Variants in DAP3 observed in about 807,000 individuals in gnomAD.
DAP3 encodes the protein small ribosomal subunit protein mS29.
DAP3 carries 28 observed loss-of-function variants against 51.9 expected under a neutral mutation model. The ratio of observed to expected loss-of-function variants is 0.54; its 90% CI spans 0.40 to 0.74. The LOEUF is 0.74. Among genes scored for constraint, DAP3 ranks in the 30% least tolerant of loss-of-function variants. DAP3 has a pLI of 0.00. For synonymous variants in DAP3, 170 were observed against 170.3 expected, an observed-to-expected ratio of 1.00 and a Z score of 0.01; for missense variants, 458 against 483.5, an observed-to-expected ratio of 0.95 and a Z score of 0.49.
chr1:155,690,948 C>A (rs1187440972), intron 1 of DAP3, among the ~76,000 whole-genome samples: 2 of 141,900 alleles, frequency 1.4e-5, no homozygotes, highest in Non-Finnish European at 1.5e-5. Context: ...CGCTCTGTCA[C>A]CCAGGCTGGA....
intron 9 of DAP3, among the ~76,000 whole-genome samples, chr1:155,730,195 CATATATGT>C (rs1336006417): frequency 7.5e-5 from 11 of 146,918 alleles, no homozygotes; most frequent in South Asian, 2.1e-4. Flanking sequence ...ATATAATATT[CATATATGT>C]ATATATGTAT....
intron 10 of DAP3, among the ~76,000 whole-genome samples, chr1:155,731,702 C>A (rs1259764540): frequency 6.6e-6 from 1 of 152,094 alleles, no homozygotes; most frequent in Non-Finnish European, 1.5e-5. Flanking sequence ...TTTTGTATCT[C>A]CTTACCGTCT....
chr1:155,702,194 G>T (rs1291436574), intron 1 of DAP3, among the ~76,000 whole-genome samples: 1 of 151,172 alleles, frequency 6.6e-6, no homozygotes, highest in Non-Finnish European at 1.5e-5. Context: ...CTTGGGCCAG[G>T]CCCCGTGGCT....
upstream of DAP3, chr1:155,688,325 CGGCAGCGGCGGCAGCAGAGT>C: frequency 1.3e-6 from 2 of 1,548,740 alleles, no homozygotes; most frequent in Middle Eastern, 1.7e-4. Flanking sequence ...AAAATGGCGG[CGGCAGCGGCGGCAGCAGAGT>C]GGCCGCGGCA....
At chr1:155,735,350 C>A (rs1036050945) in intron 11 of DAP3, among the ~76,000 whole-genome samples, 5 of 151,930 alleles carry the variant, frequency 3.3e-5, no homozygotes, top group South Asian at 2.1e-4. Flanking sequence ...CCAGGGCGGG[C>A]GGATCACCTG....
chr1:155,716,288 G>A (rs868657410), intron 2 of DAP3, among the ~76,000 whole-genome samples: 4 of 152,202 alleles, frequency 2.6e-5, no homozygotes, highest in Admixed American at 6.5e-5. Context: ...GTTGCCGGGC[G>A]CGGTGGCTCA....
intron 3 of DAP3, among the ~76,000 whole-genome samples, chr1:155,721,065 G>C (rs1657943588): frequency 6.6e-6 from 1 of 150,996 alleles, no homozygotes; most frequent in Non-Finnish European, 1.5e-5. Context: ...GGCTGGGCAA[G>C]ATGGCTCACC....
chr1:155,736,418 CT>C (rs780785558), intron 11 of DAP3, among the ~76,000 whole-genome samples: 9 of 151,826 alleles, frequency 5.9e-5, no homozygotes, highest in South Asian at 2.1e-4. Context: ...CAAGCATTGC[CT>C]TTTTTTTTGT....
chr1:155,714,689 AG>A (rs758576136), intron 2 of DAP3, among the ~76,000 whole-genome samples: 4 of 152,096 alleles, frequency 2.6e-5, no homozygotes, highest in Non-Finnish European at 5.9e-5. Flanking sequence ...CTGGGGGCAG[AG>A]GTTGTAGTGA....
intron 1 of DAP3, among the ~76,000 whole-genome samples, chr1:155,699,194 G>A (rs1262864061): frequency 6.6e-6 from 1 of 152,162 alleles, no homozygotes; most frequent in African/African-American, 2.4e-5. Flanking sequence ...AACTGTGAAA[G>A]GGAGGCAGTA....
At chr1:155,709,468 T>A (rs1009604128) in intron 1 of DAP3, among the ~76,000 whole-genome samples, 1 of 152,154 alleles carries the variant, frequency 6.6e-6, no homozygotes, top group African/African-American at 2.4e-5. Context: ...CCTGACTTTT[T>A]TATTTTCCCA....
chr1:155,715,686 A>G (rs71628684), intron 2 of DAP3, among the ~76,000 whole-genome samples: 9,337 of 152,216 alleles, frequency 0.061, 394 homozygotes, highest in Non-Finnish European at 0.092. Context: ...TTTTCCTCAT[A>G]ACACATCTTT....
At chr1:155,704,195 T>G (rs996348270) in intron 1 of DAP3, among the ~76,000 whole-genome samples, 1 of 152,232 alleles carries the variant, frequency 6.6e-6, no homozygotes, top group African/African-American at 2.4e-5. Flanking sequence ...TAAGCAAGGC[T>G]TCAGTGGAGA....
rs770022270 is a variant in DAP3 at position 155,738,239 on chromosome 1, C to G, written c.1194C>G (p.Leu398=). The change falls in exon 13 of 13, where the codon CTC becomes CTG. Residue 398 remains leucine (L), a synonymous_variant. Transcript: ENST00000368336. ...TGCTGGAGCGGCACTGTGCCTACCT[C>G]TAAGCCAAGATCACAGCATGTGAGG... The part of the protein sequence containing the change: ...PSLLERHCAY[L] 2 of 1,614,180 alleles carry G rather than the reference C, an allele frequency of 1.2e-6. No individual in the cohort carries two copies. Among genetic ancestry groups the G allele is most frequent in the Admixed American group, 3.3e-5 (2 of 60,024 alleles).
rs191132536 is a variant in DAP3 at position 155,692,095 on chromosome 1, A to C, written c.-8+2921A>C. Reference sequence around the variant, plus strand: ...TCTGTAGCAGTGGCGGTTTAAGTGAATCTCCTTTGTGCTTAAACAACGTAT... The same window carrying C: ...TCTGTAGCAGTGGCGGTTTAAGTGACTCTCCTTTGTGCTTAAACAACGTAT... On this transcript the variant is annotated intron_variant, in intron 1 of 12. Coordinates refer to ENST00000368336, the MANE Select transcript of DAP3 (RefSeq NM_004632.4). Among the ~76,000 whole-genome samples, 65 of 142,014 alleles carry C rather than the reference A, an allele frequency of 4.6e-4. 4 individuals are homozygous for C. Among genetic ancestry groups the C allele is most frequent in the Admixed American group, 7.9e-4 (12 of 15,124 alleles). The allele number at this position is 142,014 out of a possible 152,430, so 93.2% of individuals were successfully genotyped here. A position where few individuals can be genotyped will look rare whatever the true frequency, so the allele number is the denominator to read the frequency against.
rs1185825588 is a variant in DAP3, at chr1:155,738,397, T to G, written c.*155T>G. On this transcript the variant is annotated 3_prime_UTR_variant, in exon 13 of 13. Transcript: ENST00000368336. The stretch of plus-strand genomic sequence containing the variant: ...AGTTGGCTCTGGACCTGCATTAAAA[T>G]GGGTTTCACTGTGAATGCGTGACAA... 5.0e-6 allele frequency: 3 copies of G among 603,442 alleles called. No homozygotes were observed. Among genetic ancestry groups the G allele is most frequent in the Non-Finnish European group, 8.4e-6 (3 of 359,104 alleles). 37.4% of individuals were successfully genotyped at this position (603,442 alleles called of 1,614,324 possible).
At chr1:155,730,250 TATATATGCACACATAC>T (rs1659099350) in intron 9 of DAP3, among the ~76,000 whole-genome samples, 1 of 129,202 alleles carries the variant, frequency 7.7e-6, no homozygotes, top group African/African-American at 4.6e-5. Context: ...TATATATACG[TATATATGCACACATAC>T]ATATTCGTAT....
At position 155,727,615 on chromosome 1, in the gene DAP3, T is replaced by C. The variant is rs748046351; in HGVS notation, c.480T>C (p.Leu160=). ...TGCCTCTTTTTTTTAAAGCTCATCT[T>C]TGGGTGAAAAATTGTCGGGATCTTC... ...WLILHIPDAH[L]WVKNCRDLLQ... is the part of the protein sequence containing the mutation. Residue 160 remains leucine (L), a synonymous_variant, in exon 7 of 13, where the codon CTT becomes CTC. Coordinates refer to ENST00000368336, the MANE Select transcript of DAP3 (RefSeq NM_004632.4). The C allele has an allele frequency of 1.2e-6, 2 of 1,611,878 alleles. No individual in the cohort carries two copies. Among genetic ancestry groups the C allele is most frequent in the South Asian group, 2.2e-5 (2 of 90,610 alleles).
At chr1:155,688,244 A>T (rs758007166), upstream of DAP3, 48 of 1,610,092 alleles carry the variant, frequency 3.0e-5, no homozygotes, top group East Asian at 1.1e-3. Context: ...GTGGAGGGCT[A>T]AAGGGGCAAA....
Sources: allele counts gnomAD v4.1 joint callset (sites outside exome capture counted in the v4.1 genomes callset), GRCh38; gene constraint gnomAD v4.1.1; transcripts MANE v1.5; gene names NCBI Gene and HGNC (gene_info 2026-07-23, HGNC 2026-07-21).